Variants in HTR2C observed in about 807,000 individuals in gnomAD.
HTR2C encodes 5-hydroxytryptamine (serotonin) receptor 2C, G protein-coupled.
HTR2C carries 5 observed loss-of-function variants against 21.0 expected under a neutral mutation model. That is an observed-to-expected ratio of 0.24 (90% CI 0.12 to 0.50). HTR2C has a LOEUF of 0.50. Among genes scored for constraint, HTR2C ranks in the 20% least tolerant of loss-of-function variants. The pLI, the probability that HTR2C is intolerant of heterozygous loss-of-function variation, is 0.98. For missense variants in HTR2C, 271 were observed against 371.2 expected, an observed-to-expected ratio of 0.73 and a Z score of 2.22; for synonymous variants, 150 against 145.3, an observed-to-expected ratio of 1.03 and a Z score of -0.23.
chrX:114,642,811 C>A (rs1466438389), intron 2 of HTR2C, among the ~76,000 whole-genome samples: 1 of 55,047 alleles, frequency 1.8e-5, no homozygotes, highest in Middle Eastern at 8.6e-3. Context: ...TAGTTTTTAA[C>A]AAATTAGTTT....
At chrX:114,842,239 A>C (rs1316135425) in intron 4 of HTR2C, among the ~76,000 whole-genome samples, 1 of 112,361 alleles carries the variant, frequency 8.9e-6, no homozygotes, top group Non-Finnish European at 1.9e-5. Context: ...GAAAGCCTGC[A>C]CTCCTGATGC....
At chrX:114,665,332 G>C (rs1178008455) in intron 2 of HTR2C, among the ~76,000 whole-genome samples, 3 of 111,608 alleles carry the variant, frequency 2.7e-5, no homozygotes, top group African/African-American at 9.8e-5. Flanking sequence ...ATTTTTGTTC[G>C]ATCTGCTCTT....
chrX:114,909,895 A>C lies in HTR2C; in HGVS notation c.*2480A>C, dbSNP rs1556488312. 1 of 112,500 alleles carries C rather than the reference A, an allele frequency of 8.9e-6. No individual in the cohort carries two copies. The highest frequency in any genetic ancestry group is 1.9e-5 in the Non-Finnish European group (1 of 53,264). The allele number at this position is 112,500 out of a possible 1,213,427, so 9.3% of individuals were successfully genotyped here. ...TATTATATATGTATATCTGTGTAAGACACGTGCAACAGACTGCCTTATATT... is the reference window on the plus strand; with the variant it reads ...TATTATATATGTATATCTGTGTAAGCCACGTGCAACAGACTGCCTTATATT... On this transcript the variant is annotated 3_prime_UTR_variant, in exon 6 of 6. Coordinates refer to ENST00000276198, the MANE Select transcript of HTR2C (RefSeq NM_000868.4).
At chrX:114,822,003 C>T (rs1482183474) in intron 4 of HTR2C, among the ~76,000 whole-genome samples, 1 of 106,970 alleles carries the variant, frequency 9.3e-6, no homozygotes, top group Non-Finnish European at 1.9e-5. Context: ...CGCAACATCA[C>T]CCCTAGATAA....
chrX:114,806,437 CAT>C (rs372505582), intron 4 of HTR2C, among the ~76,000 whole-genome samples: 44,671 of 55,558 alleles, frequency 0.8, 16,709 homozygotes, highest in East Asian at 0.98. Context: ...ATATATACAC[CAT>C]ATATATATAC....
intron 5 of HTR2C, among the ~76,000 whole-genome samples, chrX:114,886,851 T>C (rs1556481674): frequency 9.0e-6 from 1 of 111,603 alleles, no homozygotes; most frequent in East Asian, 2.8e-4. Context: ...TGTAGAATCA[T>C]TTATTTAGCC....
intron 4 of HTR2C, among the ~76,000 whole-genome samples, chrX:114,822,043 C>T (rs1019619335): frequency 3.6e-5 from 4 of 110,247 alleles, no homozygotes; most frequent in Admixed American, 9.7e-5. Flanking sequence ...GATGGGGTTT[C>T]GCCATGTTGG....
At chrX:114,831,026 C>A (rs1556460659) in intron 4 of HTR2C, among the ~76,000 whole-genome samples, 1 of 79,270 alleles carries the variant, frequency 1.3e-5, no homozygotes, top group African/African-American at 4.3e-5. Context: ...AGGACATGAA[C>A]TCATCATTTT....
intron 4 of HTR2C, among the ~76,000 whole-genome samples, chrX:114,842,816 C>T (rs1017743690): frequency 2.7e-5 from 3 of 111,411 alleles, no homozygotes; most frequent in African/African-American, 9.8e-5. Context: ...TCTTTGCCTA[C>T]CGGTATTTAA....
intron 4 of HTR2C, among the ~76,000 whole-genome samples, chrX:114,816,252 G>T (rs2070583628): frequency 1.2e-5 from 1 of 80,839 alleles, no homozygotes; most frequent in African/African-American, 4.2e-5. Flanking sequence ...TAGATAGATA[G>T]GTAGATAGAT....
chrX:114,633,775 C>CTA (rs1167783351), intron 2 of HTR2C, among the ~76,000 whole-genome samples: 30 of 108,296 alleles, frequency 2.8e-4, no homozygotes, highest in Admixed American at 4.0e-4. Flanking sequence ...TTCTCTCTCT[C>CTA]TATATATATA....
chrX:114,707,543 G>C (rs1205419540), intron 2 of HTR2C, among the ~76,000 whole-genome samples: 1 of 111,281 alleles, frequency 9.0e-6, no homozygotes, highest in Non-Finnish European at 1.9e-5. Flanking sequence ...CTTTTTTCTT[G>C]ACTGATTTGC....
At chrX:114,665,788 A>G (rs183919776) in intron 2 of HTR2C, among the ~76,000 whole-genome samples, 2 of 111,176 alleles carry the variant, frequency 1.8e-5, no homozygotes, top group Non-Finnish European at 3.8e-5. Flanking sequence ...GGGGTGGCAG[A>G]GGTAGAAACA....
At chrX:114,704,582 C>T (rs1197584507) in intron 2 of HTR2C, among the ~76,000 whole-genome samples, 1 of 111,580 alleles carries the variant, frequency 9.0e-6, no homozygotes, top group East Asian at 2.8e-4. Flanking sequence ...CTATCTATGA[C>T]AAACCCACAG....
At chrX:114,825,357 T>C (rs1011635053) in intron 4 of HTR2C, among the ~76,000 whole-genome samples, 1 of 112,175 alleles carries the variant, frequency 8.9e-6, no homozygotes, top group South Asian at 3.6e-4. Context: ...TAACTTCATT[T>C]GCCTTTTCCT....
chrX:114,598,000 C>A (rs1222826412), intron 1 of HTR2C, among the ~76,000 whole-genome samples: 3 of 111,615 alleles, frequency 2.7e-5, no homozygotes, highest in African/African-American at 6.5e-5. Flanking sequence ...AGACATTTGA[C>A]TGAGTACTTC....
At chrX:114,772,053 T>A (rs1201115736) in intron 4 of HTR2C, among the ~76,000 whole-genome samples, 1 of 112,202 alleles carries the variant, frequency 8.9e-6, no homozygotes, top group East Asian at 2.8e-4. Context: ...TAGATCCCAC[T>A]GTTCTAACTG....
At chrX:114,890,675 G>C (rs2071252319) in intron 5 of HTR2C, among the ~76,000 whole-genome samples, 1 of 111,994 alleles carries the variant, frequency 8.9e-6, no homozygotes, top group Non-Finnish European at 1.9e-5. Context: ...ATTTGAGTGT[G>C]TCCTGTCCTT....
At chrX:114,773,325 A>G (rs2070024482) in intron 4 of HTR2C, among the ~76,000 whole-genome samples, 1 of 112,024 alleles carries the variant, frequency 8.9e-6, no homozygotes, top group African/African-American at 3.2e-5. Flanking sequence ...AACAAGGTAT[A>G]CTTCATTTTT....
Sources: gnomAD v4.1 joint callset for allele counts (sites outside exome capture counted in the v4.1 genomes callset) on GRCh38, gnomAD v4.1.1 for gene constraint, MANE v1.5 for transcripts, NCBI Gene and HGNC (gene_info 2026-07-23, HGNC 2026-07-21) for gene names.